Variants in DEF8 observed in about 807,000 individuals in gnomAD.
The protein encoded by DEF8 is differentially expressed in FDCP 8 homolog.
In DEF8, 38 loss-of-function variants were observed where a neutral mutation model predicts 59.1. The observed-to-expected ratio is 0.64, with a 90% CI of 0.50 to 0.84. DEF8 has a LOEUF of 0.84. DEF8 is among the 40% of genes least tolerant of loss of function. The pLI is 0.00. For missense variants in DEF8, 557 were observed against 615.2 expected (o/e 0.91, Z 1.00); for synonymous variants, 265 against 250.1 (o/e 1.06, Z -0.56).
Position 89,967,540 on chromosome 16 carries a change from G to A in DEF8, c.*1577G>A. The A allele has an allele frequency of 2.5e-6, 1 of 398,564 alleles. No homozygotes were observed. Among genetic ancestry groups the A allele is most frequent in the East Asian group, 3.6e-5 (1 of 28,082 alleles). 24.7% of individuals were successfully genotyped at this position (398,564 alleles called of 1,614,324 possible). A position where few individuals can be genotyped will look rare whatever the true frequency, so the allele number is the denominator to read the frequency against. Reference sequence around the variant, plus strand: ...AGGTGGAACGGTGAGCAGGGAACATGTCGGAGTCCTTCAGAGAATGTGATG... The same window carrying A: ...AGGTGGAACGGTGAGCAGGGAACATATCGGAGTCCTTCAGAGAATGTGATG... On this transcript the variant is annotated 3_prime_UTR_variant, in exon 13 of 13. Transcript: ENST00000563594.
chr16:89,962,507 A>G (rs1343752942), intron 9 of DEF8, among the ~76,000 whole-genome samples: 2 of 151,990 alleles, frequency 1.3e-5, no homozygotes, highest in East Asian at 3.9e-4. Context: ...AAAATACAAA[A>G]TTGGCCGGGC....
intron 2 of DEF8, among the ~76,000 whole-genome samples, chr16:89,953,597 G>A (rs753228746): frequency 2.0e-5 from 3 of 152,192 alleles, no homozygotes; most frequent in Non-Finnish European, 4.4e-5. Flanking sequence ...CATTTGTAGG[G>A]GGCTTCTCTG....
At chr16:89,950,464 C>T (rs1597450442) in intron 2 of DEF8, 2 of 450,076 alleles carry the variant, frequency 4.4e-6, no homozygotes, top group Non-Finnish European at 5.9e-6. Context: ...TCTCGGCTCA[C>T]TGCAACCTCC....
rs1439525257 is a variant in DEF8, at chr16:89,967,410, A to T, written c.*1447A>T. ...TTTGTCCTCCGGCATCAGGAAGGGG[A>T]TGGTGTCCACTCCCCACTGTGGTGG... On this transcript the variant is annotated 3_prime_UTR_variant, in exon 13 of 13. Coordinates refer to ENST00000563594, the MANE Select transcript of DEF8 (RefSeq NM_001242818.2). The T allele has an allele frequency of 2.5e-6, 1 of 398,478 alleles. No homozygotes were observed. The highest frequency in any genetic ancestry group is 2.1e-5 in the African/African-American group (1 of 48,612). The allele number at this position is 398,478 out of a possible 1,614,324, so 24.7% of individuals were successfully genotyped here. A position where few individuals can be genotyped will look rare whatever the true frequency, so the allele number is the denominator to read the frequency against.
intron 5 of DEF8, chr16:89,957,986 C>G: frequency 5.0e-6 from 1 of 198,896 alleles, no homozygotes; most frequent in Non-Finnish European, 1.0e-5. Flanking sequence ...AACTCGACTT[C>G]CTGTGTCTGA....
chr16:89,955,085 T>G, intron 3 of DEF8, 84 bp from the exon 4 acceptor site: 1 of 1,097,392 alleles, frequency 9.1e-7, no homozygotes, highest in Non-Finnish European at 1.4e-6. Flanking sequence ...CCTTTCCCAC[T>G]CCTGGCTATC....
chr16:89,965,607 C>T (rs1277285579), intron 12 of DEF8, among the ~76,000 whole-genome samples: 2 of 152,102 alleles, frequency 1.3e-5, no homozygotes, highest in Non-Finnish European at 2.9e-5. Flanking sequence ...CCTGGCTCAG[C>T]CCCTCAGCTG....
chr16:89,961,026 A>C lies in DEF8; in HGVS notation c.610A>C (p.Ile204Leu). The change falls in exon 7 of 13, where the codon ATC (isoleucine) becomes CTC (leucine). Residue 204 changes from isoleucine (I) to leucine (L), a missense_variant. Coordinates refer to ENST00000563594, the MANE Select transcript of DEF8 (RefSeq NM_001242818.2). The stretch of plus-strand genomic sequence containing the variant: ...CCACCAAGCTGAATACGAACTGAAC[A>C]TCTGCCCTGAGACAGGGCTGGACAG... ...VSHQAEYELNICPETGLDSQD... is the reference protein window; with the variant it reads ...VSHQAEYELNLCPETGLDSQD... 1.2e-6 allele frequency: 2 copies of C among 1,614,162 alleles called. No homozygotes were observed. The highest frequency in any genetic ancestry group is 1.7e-6 in the Non-Finnish European group (2 of 1,180,030).
rs2034656785 is a variant in DEF8, at chr16:89,967,391, C to T, written c.*1428C>T. The stretch of plus-strand genomic sequence containing the variant: ...GAGACGGCAGGGTCTCCTCTTTGTC[C>T]TCCGGCATCAGGAAGGGGATGGTGT... On this transcript the variant is annotated 3_prime_UTR_variant, in exon 13 of 13. Coordinates refer to ENST00000563594, the MANE Select transcript of DEF8 (RefSeq NM_001242818.2). 5.0e-6 allele frequency: 2 copies of T among 398,540 alleles called. No individual in the cohort carries two copies. Among genetic ancestry groups the T allele is most frequent in the South Asian group, 1.3e-4 (1 of 7,858 alleles). 24.7% of individuals were successfully genotyped at this position (398,540 alleles called of 1,614,324 possible). A position where few individuals can be genotyped will look rare whatever the true frequency, so the allele number is the denominator to read the frequency against.
chr16:89,960,873 G>T (rs1176689436), intron 6 of DEF8, 58 bp from the exon 7 acceptor site: 1 of 1,568,760 alleles, frequency 6.4e-7, no homozygotes, highest in Non-Finnish European at 8.7e-7. Flanking sequence ...GCTGAGGGTG[G>T]CCTGGGCTGC....
chr16:89,960,219 A>T (rs2033840616), intron 6 of DEF8, among the ~76,000 whole-genome samples: 1 of 152,084 alleles, frequency 6.6e-6, no homozygotes, highest in East Asian at 1.9e-4. Context: ...GTGGCTGCTG[A>T]CTGAGCTTGG....
Position 89,954,115 on chromosome 16 carries a change from G to T in DEF8, c.-10-128G>T, listed in dbSNP as rs556692627. On this transcript the variant is annotated intron_variant, in intron 2 of 12. Coordinates refer to ENST00000563594, the MANE Select transcript of DEF8 (RefSeq NM_001242818.2). This position sits in a 1 kb window ranked among gnomAD's most constrained non-coding sequence, Gnocchi z 4.3. ...CTGAAGATCAAGGCTGTGGTGTGAG[G>T]ACTACCCACTTTAGGGAAGTGAAAG... 1.0e-6 allele frequency: 1 copy of T among 991,322 alleles called. No homozygotes were observed. The highest frequency in any genetic ancestry group is 1.5e-6 in the Non-Finnish European group (1 of 667,172). The allele number at this position is 991,322 out of a possible 1,614,324, so 61.4% of individuals were successfully genotyped here. A position where few individuals can be genotyped will look rare whatever the true frequency, so the allele number is the denominator to read the frequency against.
chr16:89,956,232 G>A (rs1392647779), intron 4 of DEF8, among the ~76,000 whole-genome samples: 8 of 151,964 alleles, frequency 5.3e-5, no homozygotes, highest in Non-Finnish European at 1.2e-4. Context: ...CGAGGCGGGC[G>A]GATCGTGAGG....
Position 89,966,006 on chromosome 16 carries a change from C to G in DEF8, c.*43C>G. 6.8e-7 allele frequency: 1 copy of G among 1,463,528 alleles called. No homozygotes were observed. The highest frequency in any genetic ancestry group is 9.5e-7 in the Non-Finnish European group (1 of 1,052,552). 90.7% of individuals were successfully genotyped at this position (1,463,528 alleles called of 1,614,324 possible). ...GGGCACCCCGCCTGGCCCGCCAGGA[C>G]CCACCCTGCCAACATCAAGTTGTTC... On this transcript the variant is annotated 3_prime_UTR_variant, in exon 13 of 13. Transcript: ENST00000563594.
At position 89,955,173 on chromosome 16, in the gene DEF8, C is replaced by G; in HGVS notation, c.129C>G (p.Ala43=). 1.2e-6 allele frequency: 2 copies of G among 1,613,032 alleles called. No individual in the cohort carries two copies. The highest frequency in any genetic ancestry group is 1.7e-6 in the Non-Finnish European group (2 of 1,179,696). The change falls in exon 4 of 13, where the codon GCC becomes GCG. Residue 43 remains alanine, a synonymous_variant. Transcript: ENST00000563594. Reference sequence around the variant, plus strand: ...CCTGTCCCCGTCTTCCTCCAGAGGCCCTGCCTGAGCTGCCCCCTGGGGAGC... The same window carrying G: ...CCTGTCCCCGTCTTCCTCCAGAGGCGCTGCCTGAGCTGCCCCCTGGGGAGC... The part of the protein sequence containing the change: ...EEVPDVTPEE[A]LPELPPGEPE...
At chr16:89,948,952 GGGAGGGACGGGGC>G (rs2031299510) in intron 1 of DEF8, 138 bp downstream of exon 1, 1 of 46,856 alleles carries the variant, frequency 2.1e-5, no homozygotes, top group Admixed American at 1.8e-4. Context: ...GGACGGGGCT[GGGAGGGACGGGGC>G]CGGCGGGGAC....
At position 89,955,294 on chromosome 16, in the gene DEF8, G is replaced by A. The variant is rs759799155; in HGVS notation, c.222+28G>A. The A allele has an allele frequency of 1.9e-6, 3 of 1,588,936 alleles. No individual in the cohort carries two copies. In the South Asian group the frequency reaches 3.3e-5, roughly 18 times the overall value. ...AAGGTTTTAGATCTCGGAGGGGAGAGGGACTGAGGGAACCCCCAAGGCAGG... is the reference window on the plus strand; with the variant it reads ...AAGGTTTTAGATCTCGGAGGGGAGAAGGACTGAGGGAACCCCCAAGGCAGG... On this transcript the variant is annotated intron_variant, in intron 4 of 12. Coordinates refer to ENST00000563594, the MANE Select transcript of DEF8 (RefSeq NM_001242818.2).
rs541036681 is a variant in DEF8 at position 89,949,514 on chromosome 16, G to A, written c.-11+1G>A. 2.5e-6 allele frequency: 4 copies of A among 1,613,322 alleles called. No homozygotes were observed. In the East Asian group the frequency reaches 6.7e-5, roughly 27 times the overall value. ...CCCTGGGCCCTGGCAGGCGATGCAG[G>A]TATGGGCAGACAGGACGCTGTTGAC... is the stretch of plus-strand genomic sequence containing the variant. On this transcript the variant is annotated splice_donor_variant, in intron 2 of 12. Transcript: ENST00000563594. LOFTEE classifies it low-confidence loss of function (5UTR_SPLICE).
intron 12 of DEF8, among the ~76,000 whole-genome samples, chr16:89,965,501 C>G (rs988449981): frequency 2.6e-5 from 4 of 152,154 alleles, no homozygotes; most frequent in Admixed American, 2.6e-4. Flanking sequence ...GCTGCGGTGC[C>G]CCAGGGTGCC....
Sources: gnomAD v4.1 joint callset for allele counts (sites outside exome capture counted in the v4.1 genomes callset) on GRCh38, gnomAD v4.1.1 for gene constraint, Gnocchi (gnomAD v3.1) non-coding constraint, MANE v1.5 for transcripts, NCBI Gene and HGNC (gene_info 2026-07-23, HGNC 2026-07-21) for gene names.